WDR70: variants seen among roughly 807,000 people sequenced by gnomAD.
The protein encoded by WDR70 is WD repeat domain 70.
Under a neutral mutation model 88.6 loss-of-function variants are expected in WDR70, and 53 were observed. The ratio of observed to expected loss-of-function variants is 0.60; its 90% CI spans 0.48 to 0.75. WDR70 has a LOEUF of 0.75. Among genes scored for constraint, WDR70 ranks in the 30% least tolerant of loss-of-function variants. WDR70 has a pLI of 0.00. For synonymous variants in WDR70, 280 were observed against 270.0 expected (o/e 1.04, Z -0.36); for missense variants, 610 against 823.2 (o/e 0.74, Z 3.17).
At chr5:37,541,572 TG>T (rs1206873279) in intron 9 of WDR70, among the ~76,000 whole-genome samples, 1 of 152,160 alleles carries the variant, frequency 6.6e-6, no homozygotes, top group Non-Finnish European at 1.5e-5. Flanking sequence ...AGAAAAATAA[TG>T]TTTTTTTTCC....
rs554636905 is a variant in WDR70, at chr5:37,742,805, T to A, written c.1878-9681T>A. On this transcript the variant is annotated intron_variant, in intron 17 of 17. Coordinates refer to ENST00000265107, the MANE Select transcript of WDR70 (RefSeq NM_018034.4). ...GATATACACTTTTGCCAACACCAGG[T>A]GTTGATGGGAGCTGAGTTCTTATTC... is the stretch of plus-strand genomic sequence containing the variant. Among the ~76,000 whole-genome samples, 14 of 152,346 alleles carry A rather than the reference T, an allele frequency of 9.2e-5. No homozygotes were observed. In the South Asian group the frequency reaches 2.7e-3, roughly 29 times the overall value.
chr5:37,675,260 T>G (rs1372238270), intron 10 of WDR70, among the ~76,000 whole-genome samples: 50 of 152,216 alleles, frequency 3.3e-4, no homozygotes, highest in South Asian at 4.1e-4. Flanking sequence ...TGTCAATTTT[T>G]GCTTTTGTTG....
chr5:37,599,962 C>T (rs1743818895), intron 9 of WDR70, among the ~76,000 whole-genome samples: 1 of 150,658 alleles, frequency 6.6e-6, no homozygotes, highest in Non-Finnish European at 1.5e-5. Context: ...CAAAATAAGT[C>T]ATAGATTTAA....
intron 10 of WDR70, among the ~76,000 whole-genome samples, chr5:37,680,497 G>A (rs772973531): frequency 6.6e-6 from 1 of 152,104 alleles, no homozygotes. Context: ...GAATCATGTT[G>A]CCTAGGTTTT....
intron 9 of WDR70, among the ~76,000 whole-genome samples, chr5:37,593,196 C>G (rs752073097): frequency 2.0e-5 from 3 of 152,056 alleles, no homozygotes; most frequent in Non-Finnish European, 2.9e-5. Flanking sequence ...CTAGGGTACA[C>G]GTGCACAACG....
chr5:37,487,621 A>ATTTTTTTTTTTTTTTT (rs1561871968), intron 8 of WDR70, among the ~76,000 whole-genome samples: 1 of 37,692 alleles, frequency 2.7e-5, no homozygotes, highest in African/African-American at 7.3e-5. Context: ...ATATATATAT[A>ATTTTTTTTTTTTTTTT]TATGTATTTT....
At chr5:37,517,956 C>G (rs949974697) in intron 9 of WDR70, among the ~76,000 whole-genome samples, 2 of 148,018 alleles carry the variant, frequency 1.4e-5, no homozygotes, top group African/African-American at 5.0e-5. Flanking sequence ...CTCTTGTCAC[C>G]CTGGCTGGAG....
intron 9 of WDR70, among the ~76,000 whole-genome samples, chr5:37,543,698 T>C (rs1456518076): frequency 6.6e-6 from 1 of 151,632 alleles, no homozygotes; most frequent in African/African-American, 2.4e-5. Context: ...ACCTTTTTTT[T>C]CCTTTAAAAG....
chr5:37,650,308 G>A (rs2112558693), intron 10 of WDR70, among the ~76,000 whole-genome samples: 1 of 152,024 alleles, frequency 6.6e-6, no homozygotes, highest in South Asian at 2.1e-4. Context: ...GGCTGAGCGG[G>A]GAGGATGGTG....
intron 8 of WDR70, among the ~76,000 whole-genome samples, chr5:37,491,384 T>G (rs1009471865): frequency 6.6e-6 from 1 of 152,214 alleles, no homozygotes; most frequent in Non-Finnish European, 1.5e-5. Context: ...CCCATAAGCT[T>G]TCTTTTATCA....
chr5:37,524,792 C>T (rs1741208760), intron 9 of WDR70, among the ~76,000 whole-genome samples: 1 of 151,898 alleles, frequency 6.6e-6, no homozygotes, highest in South Asian at 2.1e-4. Context: ...GGAAGATCTA[C>T]CAAGTAAATG....
intron 7 of WDR70, among the ~76,000 whole-genome samples, chr5:37,478,845 T>A (rs1739566347): frequency 6.6e-6 from 1 of 152,178 alleles, no homozygotes; most frequent in Non-Finnish European, 1.5e-5. Flanking sequence ...GAATGAGCAC[T>A]TCACTTTTGA....
intron 9 of WDR70, among the ~76,000 whole-genome samples, chr5:37,546,716 C>T (rs1270030710): frequency 6.6e-6 from 1 of 152,024 alleles, no homozygotes; most frequent in East Asian, 1.9e-4. Flanking sequence ...GTCAGGAGTT[C>T]AAGACCAGCC....
chr5:37,735,468 C>T (rs1256528953), intron 17 of WDR70, among the ~76,000 whole-genome samples: 2 of 152,062 alleles, frequency 1.3e-5, no homozygotes, highest in African/African-American at 4.8e-5. Context: ...TCTCTTGATC[C>T]CTAACCTAAT....
intron 9 of WDR70, among the ~76,000 whole-genome samples, chr5:37,540,613 C>T (rs1264293954): frequency 6.6e-6 from 1 of 152,214 alleles, no homozygotes; most frequent in Non-Finnish European, 1.5e-5. Flanking sequence ...ATCTCTTGAC[C>T]TCGTGATCCA....
chr5:37,498,440 T>C (rs1740296772), intron 8 of WDR70, among the ~76,000 whole-genome samples: 3 of 152,218 alleles, frequency 2.0e-5, no homozygotes, highest in African/African-American at 4.8e-5. Flanking sequence ...CCCTCTTTTG[T>C]ATTATGCTTC....
chr5:37,569,256 C>T (rs527271083), intron 9 of WDR70, among the ~76,000 whole-genome samples: 1 of 152,282 alleles, frequency 6.6e-6, no homozygotes, highest in South Asian at 2.1e-4. Flanking sequence ...ATTAATGCAT[C>T]AGTGTCTAAC....
At chr5:37,722,625 TCTCCAACCCTCTTG>T (rs1449616254) in intron 14 of WDR70, 1 of 518,380 alleles carries the variant, frequency 1.9e-6, no homozygotes, top group Non-Finnish European at 3.5e-6. Context: ...CCCTGTTACC[TCTCCAACCCTCTTG>T]CTTGTTAATA....
chr5:37,569,147 AT>A (rs1742828972), intron 9 of WDR70, among the ~76,000 whole-genome samples: 3 of 152,222 alleles, frequency 2.0e-5, no homozygotes, highest in African/African-American at 7.2e-5. Context: ...CTATTGCAGA[AT>A]TATGAGAAAG....
Sources: gnomAD v4.1 joint callset for allele counts (sites outside exome capture counted in the v4.1 genomes callset) on GRCh38, gnomAD v4.1.1 for gene constraint, MANE v1.5 for transcripts, NCBI Gene and HGNC (gene_info 2026-07-23, HGNC 2026-07-21) for gene names.